Variants in KAZN observed in about 807,000 individuals in gnomAD.
KAZN encodes the protein kazrin, periplakin interacting protein.
KAZN carries 40 observed loss-of-function variants against 87.4 expected under a neutral mutation model. The observed-to-expected ratio is 0.46, with a 90% CI of 0.36 to 0.60. The LOEUF (loss-of-function observed/expected upper bound fraction) is 0.60. KAZN is among the 20% of genes least tolerant of loss of function. The pLI is 0.00. For missense variants in KAZN, 898 were observed against 1,073.9 expected (o/e 0.84, Z 2.29); for synonymous variants, 466 against 458.3 (o/e 1.02, Z -0.22).
At chr1:14,374,408 C>T (rs990517003) in intron 2 of KAZN, among the ~76,000 whole-genome samples, 43 of 152,180 alleles carry the variant, frequency 2.8e-4, no homozygotes, top group African/African-American at 9.4e-4. Context: ...AAGGGGACAG[C>T]GTCTGCAAGC....
rs548311491 is a variant in KAZN at position 14,881,523 on chromosome 1, C to T, written c.227-79161C>T. ...CCATTTGTTCATGTATCTCTTCATC[C>T]GCAAGTGTTTATAGAATACTGATTA... On this transcript the variant is annotated intron_variant, in intron 1 of 14. Coordinates refer to ENST00000376030, the MANE Select transcript of KAZN (RefSeq NM_201628.3). Among the ~76,000 whole-genome samples, 289 of 152,288 alleles carry T rather than the reference C, an allele frequency of 1.9e-3. 1 individual carries two copies. Among genetic ancestry groups the T allele is most frequent in the African/African-American group, 5.9e-3 (247 of 41,540 alleles).
chr1:14,367,238 G>C (rs1660075784), intron 2 of KAZN, among the ~76,000 whole-genome samples: 1 of 152,078 alleles, frequency 6.6e-6, no homozygotes, highest in Non-Finnish European at 1.5e-5. Flanking sequence ...TCCAAAAAAA[G>C]AAAAAGGCTC....
chr1:14,739,614 C>T (rs778751704), intron 1 of KAZN, among the ~76,000 whole-genome samples: 15 of 151,918 alleles, frequency 9.9e-5, no homozygotes, highest in African/African-American at 1.7e-4. Context: ...CACTTGAGGA[C>T]GCTTTCAAGA....
intron 1 of KAZN, among the ~76,000 whole-genome samples, chr1:14,048,976 G>A (rs2101448294): frequency 6.6e-6 from 1 of 152,300 alleles, no homozygotes; most frequent in East Asian, 1.9e-4. Flanking sequence ...ACTGGTGTGA[G>A]ATGGTATCTC....
chr1:14,224,865 T>C (rs1647208346), intron 2 of KAZN, among the ~76,000 whole-genome samples: 1 of 152,188 alleles, frequency 6.6e-6, no homozygotes, highest in Admixed American at 6.6e-5. Flanking sequence ...TAATATAACC[T>C]ACTTAAACAT....
chr1:14,886,465 G>C (rs61773596), intron 1 of KAZN, among the ~76,000 whole-genome samples: 4,159 of 144,922 alleles, frequency 0.029, 79 homozygotes, highest in African/African-American at 0.054. Flanking sequence ...CACACACACA[G>C]AGAGAGACAG....
intron 1 of KAZN, among the ~76,000 whole-genome samples, chr1:14,824,418 T>G (rs804134): frequency 0.25 from 38,435 of 152,024 alleles, 5,433 homozygotes; most frequent in South Asian, 0.42. Context: ...TAAGAAATGA[T>G]AACCAATTAT....
intron 1 of KAZN, among the ~76,000 whole-genome samples, chr1:14,824,230 C>G (rs1270708871): frequency 6.6e-6 from 1 of 151,958 alleles, no homozygotes; most frequent in Non-Finnish European, 1.5e-5. Context: ...TGATGCTGCT[C>G]TTCCTAGGAA....
At chr1:14,979,123 C>T (rs1234223801) in intron 2 of KAZN, among the ~76,000 whole-genome samples, 1 of 151,872 alleles carries the variant, frequency 6.6e-6, no homozygotes, top group African/African-American at 2.4e-5. Context: ...AGGCTGGTCT[C>T]GAACTCCTAA....
At chr1:14,398,657 CAAGACTGCTTTAG>C (rs1557690542) in intron 2 of KAZN, among the ~76,000 whole-genome samples, 1 of 152,184 alleles carries the variant, frequency 6.6e-6, no homozygotes, top group African/African-American at 2.4e-5. Context: ...GAAACGTAAT[CAAGACTGCTTTAG>C]AATTCTCTGA....
chr1:15,049,752 G>A (rs1308696597), intron 4 of KAZN, among the ~76,000 whole-genome samples: 1 of 152,118 alleles, frequency 6.6e-6, no homozygotes, highest in Non-Finnish European at 1.5e-5. Flanking sequence ...GGCCAGGTGT[G>A]GTGGCACACA....
chr1:14,044,049 G>A (rs1227570861), intron 1 of KAZN, among the ~76,000 whole-genome samples: 1 of 152,068 alleles, frequency 6.6e-6, no homozygotes, highest in African/African-American at 2.4e-5. Flanking sequence ...AGACTTTACT[G>A]GGATAAACAC....
chr1:14,515,184 C>T (rs77116509), intron 2 of KAZN, among the ~76,000 whole-genome samples: 1 of 152,102 alleles, frequency 6.6e-6, no homozygotes, highest in Non-Finnish European at 1.5e-5. Context: ...CATTTAATGA[C>T]CTTGTGCTAT....
At chr1:14,638,845 C>T (rs1052943879) in intron 1 of KAZN, among the ~76,000 whole-genome samples, 2 of 152,198 alleles carry the variant, frequency 1.3e-5, no homozygotes, top group Non-Finnish European at 2.9e-5. Flanking sequence ...TTGCCTTCCA[C>T]ACTCTGCAGT....
intron 1 of KAZN, among the ~76,000 whole-genome samples, chr1:14,927,275 C>T (rs2101545739): frequency 1.3e-5 from 2 of 152,226 alleles, no homozygotes; most frequent in South Asian, 4.2e-4. Context: ...TCCATTCATT[C>T]GGTCACATTT....
intron 1 of KAZN, among the ~76,000 whole-genome samples, chr1:14,831,230 G>A (rs1408126002): frequency 3.9e-5 from 6 of 152,178 alleles, no homozygotes; most frequent in Admixed American, 3.9e-4. Context: ...GGTACAGCTG[G>A]ATCCAGAGGC....
At chr1:15,008,261 T>C (rs1345237970) in intron 2 of KAZN, among the ~76,000 whole-genome samples, 1 of 151,820 alleles carries the variant, frequency 6.6e-6, no homozygotes, top group African/African-American at 2.4e-5. Context: ...GCTGCCAGAG[T>C]CGTGGAGGAA....
chr1:15,055,447 G>A (rs1674849109), intron 4 of KAZN, among the ~76,000 whole-genome samples: 1 of 152,112 alleles, frequency 6.6e-6, no homozygotes. Context: ...CTCCAGTCTG[G>A]GCAACAGAGT....
At position 14,491,631 on chromosome 1, in the gene KAZN, A is replaced by G. The variant is rs1669656466; in HGVS notation, c.250-107352A>G. On this transcript the variant is annotated intron_variant, in intron 2 of 16. Coordinates refer to the KAZN transcript ENST00000636203. ...TAGCTCGATATTATTTGTCATGCTG[A>G]TTAAGTGGACTTGCATTCCTAGCTT... 3.9e-5 allele frequency among the ~76,000 whole-genome samples: 6 copies of G among 152,168 alleles called. No individual in the cohort carries two copies. The South Asian group carries it at 1.2e-3, about 32-fold the overall frequency.
Sources: gnomAD v4.1 joint callset for allele counts (sites outside exome capture counted in the v4.1 genomes callset) on GRCh38, gnomAD v4.1.1 for gene constraint, MANE v1.5 for transcripts, NCBI Gene and HGNC (gene_info 2026-07-23, HGNC 2026-07-21) for gene names.